The following NOS3 variants were observed in gnomAD, a reference collection of about 807,000 sequenced individuals.
The protein encoded by NOS3 is NOS type III.
NOS3 carries 98 observed loss-of-function variants against 144.9 expected under a neutral mutation model. That is an observed-to-expected ratio of 0.68 (90% confidence interval 0.57 to 0.80). The LOEUF (loss-of-function observed/expected upper bound fraction) is 0.80. Ranked by LOEUF, NOS3 falls within the 30% of genes least tolerant of loss-of-function variation. NOS3 has a pLI of 0.00. For missense variants in NOS3, 1,465 were observed against 1,656.4 expected (o/e 0.88, Z 2.01); for synonymous variants, 714 against 702.4 (o/e 1.02, Z -0.26).
chr7:150,995,238 G>T lies in NOS3; in HGVS notation c.194G>T (p.Gly65Val), dbSNP rs749486758. 3.7e-6 allele frequency: 6 copies of T among 1,611,038 alleles called. No individual in the cohort carries two copies. The African/African-American group carries it at 5.3e-5, about 14-fold the overall frequency. Residue 65 changes from glycine (G) to valine (V), a missense_variant, in exon 3 of 27, where the codon GGG becomes GTG. This residue lies in a region of NOS3 where 374 missense variants were observed against 377.0 expected (regional missense o/e 0.99). Coordinates refer to ENST00000297494, the MANE Select transcript of NOS3 (RefSeq NM_000603.5). The stretch of plus-strand genomic sequence containing the variant: ...TCCCCGCTAACCCAGCCCCCAGAGG[G>T]GCCCAAGTTCCCTCGTGTGAAGAAC... ...PSSPLTQPPEGPKFPRVKNWE... is the reference protein window; with the variant it reads ...PSSPLTQPPEVPKFPRVKNWE...
At chr7:151,006,527 G>A (rs1217345795) in intron 15 of NOS3, 33 bp downstream of exon 15, 5 of 1,562,890 alleles carry the variant, frequency 3.2e-6, no homozygotes, top group East Asian at 2.2e-5. Flanking sequence ...GGAGCTGGGG[G>A]AGCTGATGCA....
Position 151,013,784 on chromosome 7 carries a change from C to T in NOS3, c.3316C>T (p.Leu1106Phe). 3.7e-6 allele frequency: 6 copies of T among 1,611,578 alleles called. No individual in the cohort carries two copies. Among genetic ancestry groups the T allele is most frequent in the Non-Finnish European group, 5.1e-6 (6 of 1,179,376 alleles). ...TGCGGAGGTGCACCGCGTGCTGTGC[C>T]TCGAGCGGGGCCACATGTTTGTCTG... ...LAAEVHRVLC[L>F]ERGHMFVCGD... is the part of the protein sequence containing the mutation. Residue 1106 changes from leucine to phenylalanine, a missense_variant, in exon 26 of 27, where the codon CTC (leucine) becomes TTC (phenylalanine). Leu to Phe is a conservative substitution (Grantham distance 22). Transcript: ENST00000297494.
At position 150,998,327 on chromosome 7, in the gene NOS3, C is replaced by T. The variant is rs886742208; in HGVS notation, c.583-30C>T. 2.5e-6 allele frequency: 4 copies of T among 1,599,744 alleles called. No homozygotes were observed. Among genetic ancestry groups the T allele is most frequent in the Non-Finnish European group, 2.6e-6 (3 of 1,172,358 alleles). On this transcript the variant is annotated intron_variant, in intron 5 of 26. Transcript: ENST00000297494. This position sits in a 1 kb window ranked among gnomAD's most constrained non-coding sequence, Gnocchi z 5.0. ...CAAGACCCCCCGTCTCTCTCCTCAC[C>T]CTCCTCTCCCGCTGCCTCGGCTGGC...
chr7:151,001,009 A>T (rs998004334), intron 10 of NOS3, among the ~76,000 whole-genome samples: 1 of 152,146 alleles, frequency 6.6e-6, no homozygotes, highest in Admixed American at 6.5e-5. Context: ...AGGCATGCAG[A>T]TGCTGGAGAT....
At chr7:151,010,877 G>A (rs200134885) in intron 22 of NOS3, 22 bp from the exon 23 acceptor site, 89 of 1,610,454 alleles carry the variant, frequency 5.5e-5, no homozygotes, top group African/African-American at 3.7e-4. Flanking sequence ...GCCCCTCACC[G>A]GCCTCTCCTT....
In NOS3 at chr7:151,010,147, C is replaced by T. The variant is rs777579370; in HGVS notation, c.2545C>T (p.Arg849Trp). ...TCCCCCCGGCTGGGTGCGGGACCCC[C>T]GGCTGCCCCCGTGCACGCTGCGCCA... ...GPPPGWVRDP[R>W]LPPCTLRQAL... Residue 849 changes from arginine (R) to tryptophan (W), a missense_variant, in exon 21 of 27, where the codon CGG becomes TGG. Arg to Trp is a moderately radical substitution (Grantham distance 101). Coordinates refer to ENST00000297494, the MANE Select transcript of NOS3 (RefSeq NM_000603.5). The T allele has an allele frequency of 5.6e-6, 9 of 1,608,718 alleles. No homozygotes were observed. The highest frequency in any genetic ancestry group is 1.1e-5 in the South Asian group (1 of 90,684).
chr7:151,001,384 G>A lies in NOS3; in HGVS notation c.1387G>A (p.Glu463Lys). Residue 463 changes from glutamate (E) to lysine (K), a missense_variant, in exon 11 of 27, where the codon GAG becomes AAG. By Grantham distance (56) the Glu-to-Lys change is moderately conservative. Transcript: ENST00000297494. The part of the protein sequence containing the change: ...SGSLTPVFHQ[E>K]MVNYFLSPAF... The stretch of plus-strand genomic sequence containing the variant: ...CAGCCTCACTCCTGTTTTCCATCAG[G>A]AGATGGTCAACTATTTCCTGTCCCC... The A allele has an allele frequency of 6.2e-7, 1 of 1,608,442 alleles. No homozygotes were observed. Among genetic ancestry groups the A allele is most frequent in the Non-Finnish European group, 8.5e-7 (1 of 1,176,718 alleles).
intron 1 of NOS3, among the ~76,000 whole-genome samples, chr7:150,991,904 G>A (rs1802261667): frequency 6.6e-6 from 1 of 151,734 alleles, no homozygotes; most frequent in Non-Finnish European, 1.5e-5. Context: ...GCTGGGTCAG[G>A]AGAATCGCTT....
intron 24 of NOS3, 193 bp from the exon 25 acceptor site, chr7:151,013,038 C>T (rs778638071): frequency 3.2e-6 from 2 of 619,730 alleles, no homozygotes; most frequent in African/African-American, 1.9e-5. Context: ...CGCTTCCCTT[C>T]CCTCTGTAAA....
Position 151,008,724 on chromosome 7 carries a change from G to C in NOS3, c.2113-206G>C, listed in dbSNP as rs1017186982. On this transcript the variant is annotated intron_variant, in intron 17 of 26. Coordinates refer to ENST00000297494, the MANE Select transcript of NOS3 (RefSeq NM_000603.5). ...TAAGGAACGATGCACCAATCAGGAC[G>C]TGCAGAGAAAGAGCCAGCCGGGTCC... is the stretch of plus-strand genomic sequence containing the variant. The C allele has an allele frequency of 2.8e-5, 16 of 565,866 alleles. No individual in the cohort carries two copies. The African/African-American group carries it at 3.0e-4, about 11-fold the overall frequency. The allele number at this position is 565,866 out of a possible 1,614,324, so 35.1% of individuals were successfully genotyped here. A position where few individuals can be genotyped will look rare whatever the true frequency, so the allele number is the denominator to read the frequency against.
rs749685830 is a variant in NOS3, at chr7:151,008,997, A to G, written c.2180A>G (p.Lys727Arg). Reference protein sequence around the residue: ...KAAARDIFSPKRSWKRQRYRL... With the variant: ...KAAARDIFSPRRSWKRQRYRL... ...GCCGCCCGAGACATCTTCAGCCCCA[A>G]ACGGAGCTGGAAGCGCCAGAGGTAC... The change falls in exon 18 of 27, where the codon AAA (lysine) becomes AGA (arginine). Residue 727 changes from lysine to arginine, a missense_variant. Coordinates refer to ENST00000297494, the MANE Select transcript of NOS3 (RefSeq NM_000603.5). 3.7e-6 allele frequency: 6 copies of G among 1,611,922 alleles called. No individual in the cohort carries two copies. In the South Asian group the frequency reaches 5.5e-5, roughly 15 times the overall value.
chr7:150,991,965 C>T (rs927844676), intron 1 of NOS3, among the ~76,000 whole-genome samples: 1 of 149,906 alleles, frequency 6.7e-6, no homozygotes, highest in Non-Finnish European at 1.5e-5. Flanking sequence ...CATTGCATTC[C>T]AGCCTGGACA....
chr7:151,014,130 G>A lies in NOS3; in HGVS notation c.3573G>A (p.Trp1191Ter). The A allele has an allele frequency of 6.2e-7, 1 of 1,612,004 alleles. No homozygotes were observed. Among genetic ancestry groups the A allele is most frequent in the Non-Finnish European group, 8.5e-7 (1 of 1,178,748 alleles). The stretch of plus-strand genomic sequence containing the variant: ...GTCAGTTGCGGGGCGCAGTGCCCTG[G>A]GCGTTCGACCCTCCCGGCTCAGACA... ...QERQLRGAVP[W>*]AFDPPGSDTN... The change falls in exon 27 of 27, where the codon TGG becomes TGA. Residue 1191 changes from tryptophan to a stop codon, truncating the protein, a stop_gained. Transcript: ENST00000297494. LOFTEE classifies it high-confidence loss of function.
rs1802290004 is a variant in NOS3 at position 150,993,115 on chromosome 7, C to G, written c.-51-638C>G. 6.6e-6 allele frequency among the ~76,000 whole-genome samples: 1 copy of G among 152,166 alleles called. No individual in the cohort carries two copies. The highest frequency in any genetic ancestry group is 1.5e-5 in the Non-Finnish European group (1 of 68,032). On this transcript the variant is annotated intron_variant, in intron 1 of 26. Coordinates refer to ENST00000297494, the MANE Select transcript of NOS3 (RefSeq NM_000603.5). The surrounding 1 kb of genome is among the most constrained non-coding windows in gnomAD (Gnocchi z 4.0). ...GCTTCCTGCTCTTTTGTGTCCCCCACTTGAGTCATGGGGGTGTGGGGGTTC... is the reference window on the plus strand; with the variant it reads ...GCTTCCTGCTCTTTTGTGTCCCCCAGTTGAGTCATGGGGGTGTGGGGGTTC...
chr7:151,013,685 A>AC (rs1795363852), intron 25 of NOS3, 39 bp from the exon 26 acceptor site: 11 of 702,334 alleles, frequency 1.6e-5, no homozygotes, highest in Non-Finnish European at 2.3e-5. Context: ...CCCCGCGCCC[A>AC]CCCCCACCAG....
At chr7:151,006,173 A>G (rs973268809) in intron 14 of NOS3, among the ~76,000 whole-genome samples, 5 of 152,212 alleles carry the variant, frequency 3.3e-5, no homozygotes, top group Non-Finnish European at 7.3e-5. Flanking sequence ...AGTTCAAGGA[A>G]AAAGGGCTGG....
chr7:150,994,247 T>G (rs562070571), intron 2 of NOS3, among the ~76,000 whole-genome samples: 1 of 152,292 alleles, frequency 6.6e-6, no homozygotes, highest in Admixed American at 6.5e-5. Context: ...GCAAGTTACT[T>G]AATCTCTCTG....
intron 25 of NOS3, 142 bp from the exon 26 acceptor site, chr7:151,013,582 C>A: frequency 2.2e-6 from 2 of 925,134 alleles, no homozygotes; most frequent in African/African-American, 1.7e-5. Flanking sequence ...TTTGGCTCTG[C>A]CCCTGTTGAC....
chr7:151,001,471 C>T, intron 11 of NOS3, 46 bp downstream of exon 11: 1 of 1,599,988 alleles, frequency 6.3e-7, no homozygotes. Flanking sequence ...AGCTCTAATT[C>T]TAAGCAGCCC....
Sources: gnomAD v4.1 joint callset for allele counts (sites outside exome capture counted in the v4.1 genomes callset) on GRCh38, gnomAD v4.1.1 for gene constraint, gnomAD v4.1.1 regional missense constraint, Gnocchi (gnomAD v3.1) non-coding constraint, MANE v1.5 for transcripts, NCBI Gene and HGNC (gene_info 2026-07-23, HGNC 2026-07-21) for gene names.